RDX: variants seen among roughly 807,000 people sequenced by gnomAD.
RDX encodes the protein radixin.
A neutral mutation model predicts 83.7 loss-of-function variants in RDX; 32 were observed. The observed-to-expected ratio is 0.38, with a 90% CI of 0.29 to 0.51. The LOEUF (loss-of-function observed/expected upper bound fraction) is 0.51. Among genes scored for constraint, RDX ranks in the 20% least tolerant of loss-of-function variants. The probability of loss-of-function intolerance (pLI) is 0.87; values close to 1 mark genes in which losing one functional copy is unlikely to be tolerated. For synonymous variants in RDX, 229 were observed against 222.7 expected (o/e 1.03, Z -0.25); for missense variants, 600 against 689.9 (o/e 0.87, Z 1.46).
intron 15 of RDX, among the ~76,000 whole-genome samples, chr11:110,187,545 T>A (rs1459049135): frequency 4.6e-5 from 7 of 152,316 alleles, no homozygotes; most frequent in Middle Eastern, 3.4e-3. Flanking sequence ...CTCACTCTCC[T>A]AGAGCAGGAG....
intron 7 of RDX, among the ~76,000 whole-genome samples, chr11:110,257,060 G>C (rs1200571413): frequency 1.3e-5 from 2 of 151,802 alleles, no homozygotes; most frequent in African/African-American, 4.8e-5. Flanking sequence ...TGAAAAGTAA[G>C]AGTCTGATGT....
At chr11:110,209,345 C>T (rs1474462684) in intron 14 of RDX, among the ~76,000 whole-genome samples, 1 of 151,832 alleles carries the variant, frequency 6.6e-6, no homozygotes, top group African/African-American at 2.4e-5. Flanking sequence ...CCTACGCCCA[C>T]GGAGTCTCGC....
chr11:110,231,390 T>A lies in RDX; in HGVS notation c.*479A>T. 1 of 212,560 alleles carries A rather than the reference T, an allele frequency of 4.7e-6. No individual in the cohort carries two copies. Among genetic ancestry groups the A allele is most frequent in the Non-Finnish European group, 9.5e-6 (1 of 104,766 alleles). The allele number at this position is 212,560 out of a possible 1,614,324, so 13.2% of individuals were successfully genotyped here. On this transcript the variant is annotated 3_prime_UTR_variant, in exon 14 of 14. Transcript: ENST00000645495. ...ATCATTTTAAACACTGCCTGATCTG[T>A]ATGATGGTGGAATTATGGCTATGGA...
rs1437376108 is a variant in RDX, at chr11:110,259,314, T to C, written c.468-1125A>G. ...GTCAACATGATTATAAGTTACCTAC[T>C]ATGCACACTACAGTTTGTGACTTCT... On this transcript the variant is annotated intron_variant, in intron 5 of 13. Coordinates refer to ENST00000645495, the MANE Select transcript of RDX (RefSeq NM_002906.4). 2.0e-5 allele frequency among the ~76,000 whole-genome samples: 3 copies of C among 152,348 alleles called. No homozygotes were observed. The East Asian group carries it at 5.8e-4, about 29-fold the overall frequency.
chr11:110,219,185 A>G (rs1264730219), intron 14 of RDX, among the ~76,000 whole-genome samples: 2 of 152,300 alleles, frequency 1.3e-5, no homozygotes, highest in South Asian at 4.1e-4. Flanking sequence ...AAGGGAGTGA[A>G]TCATAACAAT....
In RDX at chr11:110,277,330, T is replaced by C. The variant is rs183647904; in HGVS notation, c.12+2351A>G. Among the ~76,000 whole-genome samples the C allele has an allele frequency of 4.8e-3, 733 of 152,318 alleles. 2 individuals carry two copies. Among genetic ancestry groups the C allele is most frequent in the Non-Finnish European group, 8.4e-3 (570 of 68,026 alleles). On this transcript the variant is annotated intron_variant, in intron 2 of 13. Transcript: ENST00000645495. ...TTTTTTTTGTTGTTATTTTTTGTTT[T>C]GTTTTTTTGAGACAAGCCTCACTCT... is the stretch of plus-strand genomic sequence containing the variant.
chr11:110,217,969 G>A (rs1345024524), intron 14 of RDX, among the ~76,000 whole-genome samples: 1 of 152,150 alleles, frequency 6.6e-6, no homozygotes, highest in Non-Finnish European at 1.5e-5. Flanking sequence ...AGCCTAACTT[G>A]AGGCATCTAA....
At chr11:110,269,776 G>A (rs181317319) in intron 3 of RDX, among the ~76,000 whole-genome samples, 501 of 152,242 alleles carry the variant, frequency 3.3e-3, no homozygotes, top group African/African-American at 0.012. Context: ...GGTGGCTCAC[G>A]CCTGTAATCC....
intron 5 of RDX, among the ~76,000 whole-genome samples, chr11:110,260,642 C>T: frequency 6.6e-6 from 1 of 152,108 alleles, no homozygotes; most frequent in Non-Finnish European, 1.5e-5. Flanking sequence ...AATCTGTGGC[C>T]AGTGTCTCAG....
At chr11:110,292,004 AGTT>A (rs1191963108) in intron 1 of RDX, among the ~76,000 whole-genome samples, 2 of 152,050 alleles carry the variant, frequency 1.3e-5, no homozygotes, top group Non-Finnish European at 2.9e-5. Context: ...TTAAAAAATT[AGTT>A]GTTGGCCAGG....
rs186911545 is a variant in RDX at position 110,186,904 on chromosome 11, G to A, written c.*32-11670C>T. Among the ~76,000 whole-genome samples the A allele has an allele frequency of 7.2e-3, 1,094 of 152,312 alleles. 20 individuals carry two copies. Among genetic ancestry groups the A allele is most frequent in the African/African-American group, 0.023 (975 of 41,566 alleles). On this transcript the variant is annotated intron_variant, in intron 15 of 15. Transcript: ENST00000528498. Reference sequence around the variant, plus strand: ...ATGCAGGCATTTTAGTCTCAGGTTAGAGATTGGAGCATTTGCTCTGGAGCA... The same window carrying A: ...ATGCAGGCATTTTAGTCTCAGGTTAAAGATTGGAGCATTTGCTCTGGAGCA...
At chr11:110,294,837 G>A (rs994810114) in intron 1 of RDX, among the ~76,000 whole-genome samples, 2 of 152,152 alleles carry the variant, frequency 1.3e-5, no homozygotes, top group Admixed American at 6.5e-5. Context: ...TGGGGATACA[G>A]GAGTGAACAA....
rs1170013232 is a variant in RDX at position 110,230,957 on chromosome 11, G to A, written c.*912C>T. 4 of 152,380 alleles carry A rather than the reference G, an allele frequency of 2.6e-5. No individual in the cohort carries two copies. The highest frequency in any genetic ancestry group is 9.7e-5 in the African/African-American group (4 of 41,362). The allele number at this position is 152,380 out of a possible 1,614,324, so 9.4% of individuals were successfully genotyped here. On this transcript the variant is annotated 3_prime_UTR_variant, in exon 14 of 14. Transcript: ENST00000645495. ...TGCTGCCCTTCCAGAAAAGGTCCAG[G>A]TTTTAAAAAATAACATTAGTTACCA...
At chr11:110,182,171 C>T (rs1242075975) in intron 15 of RDX, among the ~76,000 whole-genome samples, 1 of 152,224 alleles carries the variant, frequency 6.6e-6, no homozygotes, top group Non-Finnish European at 1.5e-5. Context: ...CTGAGCTCCA[C>T]AGATTCCTTG....
At chr11:110,201,335 A>G (rs1211745447) in intron 14 of RDX, among the ~76,000 whole-genome samples, 1 of 152,212 alleles carries the variant, frequency 6.6e-6, no homozygotes, top group Non-Finnish European at 1.5e-5. Context: ...GAAGAGAATT[A>G]TTTTTCATGA....
At chr11:110,204,019 G>A (rs1000615423) in intron 14 of RDX, among the ~76,000 whole-genome samples, 3 of 150,772 alleles carry the variant, frequency 2.0e-5, no homozygotes, top group Admixed American at 6.6e-5. Flanking sequence ...TCCAGCCTGA[G>A]TGACAGAGTG....
intron 14 of RDX, among the ~76,000 whole-genome samples, chr11:110,213,410 C>T (rs1591516182): frequency 2.0e-5 from 1 of 50,396 alleles, no homozygotes; most frequent in Non-Finnish European, 3.9e-5. Context: ...AATGGCCATA[C>T]TGCCCAAGGT....
At chr11:110,244,441 T>C (rs1183909834) in intron 10 of RDX, among the ~76,000 whole-genome samples, 2 of 150,526 alleles carry the variant, frequency 1.3e-5, no homozygotes, top group Non-Finnish European at 3.0e-5. Flanking sequence ...TAGAATATTA[T>C]GTTAAACAAA....
At chr11:110,233,560 T>C (rs766830638) in intron 12 of RDX, 81 bp from the exon 13 acceptor site, 5 of 1,432,398 alleles carry the variant, frequency 3.5e-6, no homozygotes, top group African/African-American at 1.4e-5. Context: ...CCCTTTTTAA[T>C]AGAAACTGTA....
Sources: allele counts gnomAD v4.1 joint callset (sites outside exome capture counted in the v4.1 genomes callset), GRCh38; gene constraint gnomAD v4.1.1; transcripts MANE v1.5; gene names NCBI Gene and HGNC (gene_info 2026-07-23, HGNC 2026-07-21).